The following FAM135B variants were observed in gnomAD, a reference collection of about 807,000 sequenced individuals.
The protein encoded by FAM135B is protein FAM135B.
Under a neutral mutation model 127.7 loss-of-function variants are expected in FAM135B, and 43 were observed. That is an observed-to-expected ratio of 0.34 (90% CI 0.26 to 0.43). The LOEUF is 0.43. Among genes scored for constraint, FAM135B ranks in the 20% least tolerant of loss-of-function variants. The pLI is 1.00. For synonymous variants in FAM135B, 670 were observed against 665.1 expected, an observed-to-expected ratio of 1.01 and a Z score of -0.11; for missense variants, 1,558 against 1,725.6, an observed-to-expected ratio of 0.90 and a Z score of 1.72.
At chr8:138,272,177 C>T (rs1253429692) in intron 3 of FAM135B, among the ~76,000 whole-genome samples, 1 of 152,086 alleles carries the variant, frequency 6.6e-6, no homozygotes, top group Non-Finnish European at 1.5e-5. Flanking sequence ...CTCCTCACTT[C>T]AAATGCACTA....
In FAM135B at chr8:138,409,726, T is replaced by C. The variant is rs185458933; in HGVS notation, c.-19-41724A>G. On this transcript the variant is annotated intron_variant, in intron 1 of 19. Coordinates refer to ENST00000395297, the MANE Select transcript of FAM135B (RefSeq NM_015912.4). The stretch of plus-strand genomic sequence containing the variant: ...GTGTCTCCACTAAAAATACAAAAAA[T>C]TAGTCAGGCATGGTGGTGGGCGCTT... Among the ~76,000 whole-genome samples the C allele has an allele frequency of 2.2e-3, 327 of 151,626 alleles. 1 individual carries two copies. Among genetic ancestry groups the C allele is most frequent in the Non-Finnish European group, 3.3e-3 (227 of 67,868 alleles).
At chr8:138,372,688 T>C (rs1275134372) in intron 1 of FAM135B, among the ~76,000 whole-genome samples, 1 of 152,156 alleles carries the variant, frequency 6.6e-6, no homozygotes, top group Non-Finnish European at 1.5e-5. Context: ...TAATAACCTT[T>C]CAATACGCGC....
intron 5 of FAM135B, 58 bp downstream of exon 5, chr8:138,256,631 G>C (rs2130542384): frequency 1.4e-6 from 2 of 1,408,474 alleles, no homozygotes; most frequent in Non-Finnish European, 2.0e-6. Flanking sequence ...CCCAAGAGTG[G>C]GGAAGCGGGG....
At chr8:138,407,387 C>T (rs1833576586) in intron 1 of FAM135B, among the ~76,000 whole-genome samples, 1 of 152,156 alleles carries the variant, frequency 6.6e-6, no homozygotes, top group South Asian at 2.1e-4. Flanking sequence ...TGACTTTCTT[C>T]ACTGAATTGG....
At chr8:138,358,613 G>A (rs148029523) in intron 2 of FAM135B, 62 of 152,216 alleles carry the variant, frequency 4.1e-4, no homozygotes, top group African/African-American at 1.5e-3. Flanking sequence ...ACTTGCCCAT[G>A]GGTACCCTGC....
chr8:138,274,207 T>A (rs1823626869), intron 3 of FAM135B, among the ~76,000 whole-genome samples: 1 of 152,210 alleles, frequency 6.6e-6, no homozygotes, highest in Admixed American at 6.5e-5. Context: ...TAGGTTCTTT[T>A]CTATTTTCCT....
At chr8:138,193,004 T>C (rs1268414209) in intron 9 of FAM135B, among the ~76,000 whole-genome samples, 1 of 152,178 alleles carries the variant, frequency 6.6e-6, no homozygotes. Flanking sequence ...TTCAAAGCCA[T>C]GTCTCCCTGG....
intron 1 of FAM135B, among the ~76,000 whole-genome samples, chr8:138,453,397 CT>C (rs983120863): frequency 2.2e-5 from 3 of 137,824 alleles, no homozygotes; most frequent in African/African-American, 9.3e-5. Flanking sequence ...ATTCCTGCCC[CT>C]GTCTTCTCTC....
chr8:138,326,296 G>A (rs1755556485), intron 2 of FAM135B, among the ~76,000 whole-genome samples: 1 of 152,106 alleles, frequency 6.6e-6, no homozygotes, highest in Non-Finnish European at 1.5e-5. Context: ...TAAAACGAAA[G>A]TTCCTTCTAG....
intron 2 of FAM135B, among the ~76,000 whole-genome samples, chr8:138,345,482 C>T (rs751047177): frequency 5.7e-4 from 87 of 152,176 alleles, no homozygotes; most frequent in Admixed American, 9.2e-4. Context: ...TAATTCTAAA[C>T]GGACAGGGTG....
chr8:138,237,659 T>C (rs1218087679), intron 7 of FAM135B, among the ~76,000 whole-genome samples: 1 of 152,194 alleles, frequency 6.6e-6, no homozygotes, highest in Non-Finnish European at 1.5e-5. Context: ...CCCTCAGTCG[T>C]ATGGGTGGGC....
intron 2 of FAM135B, among the ~76,000 whole-genome samples, chr8:138,349,024 G>A (rs1261859399): frequency 6.6e-6 from 1 of 152,232 alleles, no homozygotes; most frequent in Non-Finnish European, 1.5e-5. Flanking sequence ...GCAGGCAGGA[G>A]GTCATCCAAA....
At chr8:138,273,230 G>A (rs1003871640) in intron 3 of FAM135B, among the ~76,000 whole-genome samples, 11 of 152,152 alleles carry the variant, frequency 7.2e-5, no homozygotes, top group Non-Finnish European at 1.6e-4. Flanking sequence ...TTTTGAGATG[G>A]AGTCTCACTC....
chr8:138,253,863 T>C (rs1007240183), intron 5 of FAM135B, among the ~76,000 whole-genome samples: 1 of 152,236 alleles, frequency 6.6e-6, no homozygotes, highest in African/African-American at 2.4e-5. Flanking sequence ...CCCCAGGATA[T>C]GCCACAGATG....
intron 7 of FAM135B, among the ~76,000 whole-genome samples, chr8:138,227,316 T>A (rs567499440): frequency 5.8e-4 from 89 of 152,262 alleles, no homozygotes; most frequent in African/African-American, 2.1e-3. Flanking sequence ...TGGAGCGAAA[T>A]AATTAAATAC....
Position 138,287,303 on chromosome 8 carries a change from G to T in FAM135B, c.158-21461C>A, listed in dbSNP as rs566688388. ...AAATAGCCAATAAACATGAGAAGATGGTCAACCTCCTTAGTAATTAGGGAA... is the reference window on the plus strand; with the variant it reads ...AAATAGCCAATAAACATGAGAAGATTGTCAACCTCCTTAGTAATTAGGGAA... On this transcript the variant is annotated intron_variant, in intron 3 of 19. Coordinates refer to ENST00000395297, the MANE Select transcript of FAM135B (RefSeq NM_015912.4). Among the ~76,000 whole-genome samples, 8 of 151,968 alleles carry T rather than the reference G, an allele frequency of 5.3e-5. No individual in the cohort carries two copies. In the East Asian group the frequency reaches 1.4e-3, roughly 26 times the overall value.
chr8:138,239,292 G>T (rs190582019), intron 7 of FAM135B, among the ~76,000 whole-genome samples: 1 of 152,164 alleles, frequency 6.6e-6, no homozygotes, highest in Admixed American at 6.5e-5. Flanking sequence ...GTTTTGATTT[G>T]CATTTCTCTG....
At chr8:138,176,313 C>A (rs191348688) in intron 11 of FAM135B, among the ~76,000 whole-genome samples, 1 of 152,216 alleles carries the variant, frequency 6.6e-6, no homozygotes, top group African/African-American at 2.4e-5. Context: ...AGATTTCCTG[C>A]AGGGATCTTG....
chr8:138,437,132 A>C (rs890088140), intron 1 of FAM135B: 2 of 152,208 alleles, frequency 1.3e-5, no homozygotes, highest in Non-Finnish European at 2.9e-5. Flanking sequence ...TAATGACAGG[A>C]ATGTGTTATA....
Sources: gnomAD v4.1 joint callset for allele counts (sites outside exome capture counted in the v4.1 genomes callset) on GRCh38, gnomAD v4.1.1 for gene constraint, MANE v1.5 for transcripts, NCBI Gene and HGNC (gene_info 2026-07-23, HGNC 2026-07-21) for gene names.